The following AGAP1 variants were observed in gnomAD, a reference collection of about 807,000 sequenced individuals.
The protein encoded by AGAP1 is ArfGAP with GTPase domain, ankyrin repeat and PH domain 1.
Under a neutral mutation model 105.3 loss-of-function variants are expected in AGAP1, and 29 were observed. That is an observed-to-expected ratio of 0.28 (90% CI 0.21 to 0.38). AGAP1 has a LOEUF of 0.38. Ranked by LOEUF, AGAP1 falls within the 10% of genes least tolerant of loss-of-function variation. The pLI is 1.00. For synonymous variants in AGAP1, 509 were observed against 485.9 expected (o/e 1.05, Z -0.63); for missense variants, 998 against 1,165.1 (o/e 0.86, Z 2.09).
chr2:235,640,110 T>C (rs753776771), intron 1 of AGAP1, among the ~76,000 whole-genome samples: 10 of 152,244 alleles, frequency 6.6e-5, no homozygotes, highest in Non-Finnish European at 1.2e-4. Flanking sequence ...CTATCACTAA[T>C]ACTGGCAGTT....
intron 9 of AGAP1, among the ~76,000 whole-genome samples, chr2:235,837,949 G>T (rs1960358229): frequency 6.6e-6 from 1 of 152,178 alleles, no homozygotes; most frequent in Non-Finnish European, 1.5e-5. Context: ...TTGGGAGGCT[G>T]AGGTGGGTAG....
chr2:235,987,344 A>G (rs1457402128), intron 13 of AGAP1, among the ~76,000 whole-genome samples: 1 of 151,814 alleles, frequency 6.6e-6, no homozygotes, highest in Non-Finnish European at 1.5e-5. Context: ...GTCAGTGGTG[A>G]TATCCCTTTT....
chr2:236,030,181 G>T (rs1206617075), intron 13 of AGAP1, among the ~76,000 whole-genome samples: 3 of 152,144 alleles, frequency 2.0e-5, no homozygotes, highest in African/African-American at 7.2e-5. Flanking sequence ...ATTTGTTTAA[G>T]AGCAATCTGT....
intron 1 of AGAP1, among the ~76,000 whole-genome samples, chr2:235,603,248 G>A (rs59585731): frequency 0.024 from 3,652 of 152,252 alleles, 145 homozygotes; most frequent in African/African-American, 0.083. Flanking sequence ...CATGTAAGAT[G>A]TGCCTTTCAC....
intron 1 of AGAP1, among the ~76,000 whole-genome samples, chr2:235,585,000 T>G (rs1420840340): frequency 6.7e-6 from 1 of 150,166 alleles, no homozygotes; most frequent in Non-Finnish European, 1.5e-5. Flanking sequence ...CTGCTGCTGC[T>G]GCCCCCGGCT....
chr2:235,772,367 T>G (rs1955530011), intron 6 of AGAP1, among the ~76,000 whole-genome samples: 3 of 152,122 alleles, frequency 2.0e-5, no homozygotes, highest in African/African-American at 7.2e-5. Flanking sequence ...ACTGAGAAAC[T>G]CTGATTTCTC....
intron 2 of AGAP1, among the ~76,000 whole-genome samples, chr2:235,717,213 G>C (rs946254572): frequency 3.3e-5 from 5 of 152,180 alleles, no homozygotes; most frequent in Non-Finnish European, 5.9e-5. Context: ...GCTTTTCCCA[G>C]TCTCTGGAGG....
In AGAP1 at chr2:235,724,003, T is replaced by TTA. The variant is rs1252970367; in HGVS notation, c.310+6359_310+6360insTA. On this transcript the variant is annotated intron_variant, in intron 3 of 17. Coordinates refer to ENST00000304032, the MANE Select transcript of AGAP1 (RefSeq NM_001037131.3). This position sits in a 1 kb window ranked among gnomAD's most constrained non-coding sequence, Gnocchi z 4.9. ...CGGCTGCCTGCGAGGGTCAGTGGTG[T>TTA]CGTAGCCTGCTGCCGCCACACAGAG... 2.0e-5 allele frequency among the ~76,000 whole-genome samples: 3 copies of TTA among 152,096 alleles called. No individual in the cohort carries two copies. The highest frequency in any genetic ancestry group is 7.2e-5 in the African/African-American group (3 of 41,396).
Position 236,000,442 on chromosome 2 carries a change from A to C in AGAP1, c.1645+31819A>C, listed in dbSNP as rs2056067251. ...CTACGCGTGACAGCTCAAATAATAA[A>C]CAGTTGTTCAGAGACAGTGGTACTG... On this transcript the variant is annotated intron_variant, in intron 13 of 17. Transcript: ENST00000304032. The surrounding 1 kb of genome is among the most constrained non-coding windows in gnomAD (Gnocchi z 4.3). 6.6e-6 allele frequency among the ~76,000 whole-genome samples: 1 copy of C among 152,088 alleles called. No homozygotes were observed. The highest frequency in any genetic ancestry group is 6.5e-5 in the Admixed American group (1 of 15,282).
At chr2:235,495,186 C>T (rs1488595220) in intron 1 of AGAP1, among the ~76,000 whole-genome samples, 1 of 152,156 alleles carries the variant, frequency 6.6e-6, no homozygotes, top group Non-Finnish European at 1.5e-5. Context: ...GCGGGGTCGG[C>T]GCCACCCGAC....
At chr2:235,955,250 T>C (rs1302184505) in intron 12 of AGAP1, among the ~76,000 whole-genome samples, 2 of 152,134 alleles carry the variant, frequency 1.3e-5, no homozygotes, top group African/African-American at 4.8e-5. Context: ...TCCATCTGCT[T>C]CCTTCTTGTA....
chr2:235,906,808 C>T lies in AGAP1; in HGVS notation c.1156-1930C>T, dbSNP rs1437857477. Reference sequence around the variant, plus strand: ...GCTTTTGTTGTGCCTTTTCTTCTATCAGCAAACATCTACTTGTTGATAAAC... The same window carrying T: ...GCTTTTGTTGTGCCTTTTCTTCTATTAGCAAACATCTACTTGTTGATAAAC... On this transcript the variant is annotated intron_variant, in intron 10 of 17. Coordinates refer to ENST00000304032, the MANE Select transcript of AGAP1 (RefSeq NM_001037131.3). This position sits in a 1 kb window ranked among gnomAD's most constrained non-coding sequence, Gnocchi z 5.3. Among the ~76,000 whole-genome samples, 1 of 152,174 alleles carries T rather than the reference C, an allele frequency of 6.6e-6. No individual in the cohort carries two copies. Among genetic ancestry groups the T allele is most frequent in the African/African-American group, 2.4e-5 (1 of 41,430 alleles).
intron 6 of AGAP1, among the ~76,000 whole-genome samples, chr2:235,764,030 T>C (rs10195123): frequency 7.1e-6 from 1 of 140,840 alleles, no homozygotes; most frequent in Non-Finnish European, 1.5e-5. Flanking sequence ...GTGCGTGGCT[T>C]TGGCCCGTGC....
At chr2:236,075,859 A>C (rs1341489040) in intron 16 of AGAP1, among the ~76,000 whole-genome samples, 1 of 152,206 alleles carries the variant, frequency 6.6e-6, no homozygotes, top group African/African-American at 2.4e-5. Context: ...CTCAATCTGA[A>C]ATTTATTTGG....
At chr2:235,671,113 G>T in intron 1 of AGAP1, 1 of 1,242,788 alleles carries the variant, frequency 8.0e-7, no homozygotes. Context: ...GGGACTTGCC[G>T]GTTCCGCAGC....
chr2:235,531,800 G>A (rs10048633), intron 1 of AGAP1, among the ~76,000 whole-genome samples: 16 of 151,772 alleles, frequency 1.1e-4, no homozygotes, highest in African/African-American at 3.6e-4. Flanking sequence ...TAGTAGAGAC[G>A]GGGGTTTCAC....
chr2:235,785,636 G>T (rs569413966), intron 6 of AGAP1, among the ~76,000 whole-genome samples: 1 of 152,064 alleles, frequency 6.6e-6, no homozygotes, highest in South Asian at 2.1e-4. Context: ...GAATAATTTA[G>T]CATAATCCAT....
rs145754001 is a variant in AGAP1, at chr2:236,014,689, C to T, written c.1646-21872C>T. ...ACCCACCCGCTTCGCGCAGACAGCT[C>T]GGAGGCAACGTCACGTGCTACTTTG... On this transcript the variant is annotated intron_variant, in intron 13 of 17. Transcript: ENST00000304032. The surrounding 1 kb of genome is among the most constrained non-coding windows in gnomAD (Gnocchi z 6.3). The T allele has an allele frequency of 3.1e-4, 111 of 358,224 alleles. No individual in the cohort carries two copies. The highest frequency in any genetic ancestry group is 2.2e-3 in the African/African-American group (101 of 45,462). The allele number at this position is 358,224 out of a possible 1,614,324, so 22.2% of individuals were successfully genotyped here. A position where few individuals can be genotyped will look rare whatever the true frequency, so the allele number is the denominator to read the frequency against.
intron 16 of AGAP1, among the ~76,000 whole-genome samples, chr2:236,054,297 G>C (rs1166764796): frequency 6.6e-6 from 1 of 152,034 alleles, no homozygotes; most frequent in Non-Finnish European, 1.5e-5. Context: ...TAGTAATCTC[G>C]GGCTCAAATT....
Sources: allele counts gnomAD v4.1 joint callset (sites outside exome capture counted in the v4.1 genomes callset), GRCh38; gene constraint gnomAD v4.1.1; non-coding constraint Gnocchi (gnomAD v3.1); transcripts MANE v1.5; gene names NCBI Gene and HGNC (gene_info 2026-07-23, HGNC 2026-07-21).